COL6A6: variants seen among roughly 807,000 people sequenced by gnomAD.
COL6A6 encodes the protein collagen alpha-6(VI) chain.
Under a neutral mutation model 208.6 loss-of-function variants are expected in COL6A6, and 183 were observed. That is an observed-to-expected ratio of 0.88 (90% CI 0.78 to 0.99). COL6A6 has a LOEUF of 0.99. Among genes scored for constraint, COL6A6 ranks in the 50% least tolerant of loss-of-function variants. COL6A6 has a pLI of 0.00. For synonymous variants in COL6A6, 973 were observed against 1,011.8 expected (o/e 0.96, Z 0.73); for missense variants, 2,816 against 2,815.2 (o/e 1.00, Z -0.01).
rs1235082577 is a variant in COL6A6 at position 130,592,531 on chromosome 3, C to T, written c.4273-10C>T. 6.3e-7 allele frequency: 1 copy of T among 1,579,714 alleles called. No homozygotes were observed. Reference sequence around the variant, plus strand: ...AGAAAAAGCTCATTTGGATATGTGCCCTTTCTCAGGGAGAAAGAGGAGCCC... The same window carrying T: ...AGAAAAAGCTCATTTGGATATGTGCTCTTTCTCAGGGAGAAAGAGGAGCCC... On this transcript the variant is annotated splice_polypyrimidine_tract_variant and intron_variant, in intron 13 of 36. Coordinates refer to ENST00000358511, the MANE Select transcript of COL6A6 (RefSeq NM_001102608.3).
intron 20 of COL6A6, among the ~76,000 whole-genome samples, chr3:130,606,237 C>T (rs1289373386): frequency 6.6e-6 from 1 of 152,140 alleles, no homozygotes; most frequent in Non-Finnish European, 1.5e-5. Context: ...GTCATGGTCT[C>T]TTGATTTCCA....
chr3:130,600,712 G>A (rs1238862353), intron 20 of COL6A6, among the ~76,000 whole-genome samples: 1 of 152,146 alleles, frequency 6.6e-6, no homozygotes, highest in Non-Finnish European at 1.5e-5. Context: ...GCCAGTCGGG[G>A]GTTGGTGGGG....
chr3:130,669,635 C>T (rs1355247866), intron 36 of COL6A6, among the ~76,000 whole-genome samples: 1 of 151,792 alleles, frequency 6.6e-6, no homozygotes, highest in Non-Finnish European at 1.5e-5. Context: ...ATGAGCTAAG[C>T]GTTGATCTGA....
intron 2 of COL6A6, among the ~76,000 whole-genome samples, chr3:130,561,539 T>G (rs1380317366): frequency 1.3e-5 from 2 of 152,200 alleles, no homozygotes; most frequent in Non-Finnish European, 2.9e-5. Flanking sequence ...AAGATTGAAG[T>G]TATTCTAATT....
chr3:130,580,975 G>A (rs943825053), intron 8 of COL6A6, among the ~76,000 whole-genome samples: 1 of 151,672 alleles, frequency 6.6e-6, no homozygotes, highest in African/African-American at 2.4e-5. Context: ...CACCAAGCAA[G>A]ATCTCAAAGG....
chr3:130,592,567 G>A lies in COL6A6; in HGVS notation c.4299G>A (p.Val1433=), dbSNP rs1293497721. The change falls in exon 14 of 37, where the codon GTG becomes GTA. Residue 1433 remains valine (V), a synonymous_variant. Coordinates refer to ENST00000358511, the MANE Select transcript of COL6A6 (RefSeq NM_001102608.3). ...IAGERGAPGP[V]GEQGTKGCYG... ...GAGAAAGAGGAGCCCCTGGACCAGT[G>A]GGAGAGCAAGGTACTAAGGGATGCT... is the stretch of plus-strand genomic sequence containing the variant. 6.2e-7 allele frequency: 1 copy of A among 1,610,560 alleles called. No homozygotes were observed. The highest frequency in any genetic ancestry group is 8.5e-7 in the Non-Finnish European group (1 of 1,177,858).
chr3:130,617,775 G>A (rs2064577047), intron 23 of COL6A6, among the ~76,000 whole-genome samples: 1 of 152,104 alleles, frequency 6.6e-6, no homozygotes, highest in Non-Finnish European at 1.5e-5. Context: ...ATAAAAACAA[G>A]TGACAAGGAT....
At chr3:130,624,536 C>T (rs978084003) in intron 24 of COL6A6, among the ~76,000 whole-genome samples, 1 of 152,136 alleles carries the variant, frequency 6.6e-6, no homozygotes, top group Non-Finnish European at 1.5e-5. Context: ...AAGTTTGGAA[C>T]AAAGACAATG....
At chr3:130,553,607 G>A (rs533361351) in intron 1 of COL6A6, among the ~76,000 whole-genome samples, 3 of 150,998 alleles carry the variant, frequency 2.0e-5, no homozygotes, top group Non-Finnish European at 4.4e-5. Flanking sequence ...TCTGAATCTT[G>A]ATGATCTTCA....
chr3:130,549,349 G>T (rs1388559227), intron 1 of COL6A6, among the ~76,000 whole-genome samples: 1 of 152,040 alleles, frequency 6.6e-6, no homozygotes, highest in African/African-American at 2.4e-5. Context: ...ATAGAGATAG[G>T]CTCTCACTAT....
At chr3:130,543,114 C>T (rs1382629617) in intron 1 of COL6A6, among the ~76,000 whole-genome samples, 1 of 152,062 alleles carries the variant, frequency 6.6e-6, no homozygotes, top group Non-Finnish European at 1.5e-5. Context: ...CCATGTTGGC[C>T]AGGATGGTCT....
At chr3:130,538,801 G>A (rs1368428159) in intron 1 of COL6A6, among the ~76,000 whole-genome samples, 3 of 152,032 alleles carry the variant, frequency 2.0e-5, no homozygotes, top group South Asian at 2.1e-4. Context: ...CCTGTGCCTC[G>A]AATTTGTCCC....
intron 8 of COL6A6, 47 bp from the exon 9 acceptor site, chr3:130,581,514 A>C (rs1278599554): frequency 1.5e-6 from 2 of 1,364,234 alleles, no homozygotes; most frequent in Non-Finnish European, 2.0e-6. Flanking sequence ...GAGTTAAATA[A>C]AGGCGTTTGT....
chr3:130,600,534 C>T (rs955869241), intron 20 of COL6A6, among the ~76,000 whole-genome samples: 2 of 152,096 alleles, frequency 1.3e-5, no homozygotes, highest in Non-Finnish European at 2.9e-5. Context: ...ACTATGCAGC[C>T]ATAAAAAGGC....
rs1182265813 is a variant in COL6A6, at chr3:130,634,210, AAAAT to A, written c.4993-348_4993-345del. ...CTCAAGCTATAAAATGTTAAAAAAA[AAAAT>A]AAATAAATAAATAAATAAATAAATA... On this transcript the variant is annotated intron_variant, in intron 26 of 36. Transcript: ENST00000358511. Among the ~76,000 whole-genome samples the A allele has an allele frequency of 4.1e-3, 204 of 50,256 alleles. 7 individuals are homozygous for A. The highest frequency in any genetic ancestry group is 0.02 in the East Asian group (38 of 1,948). 33.0% of individuals were successfully genotyped at this position (50,256 alleles called of 152,430 possible).
In COL6A6 at chr3:130,649,470, A is replaced by G; in HGVS notation, c.5641A>G (p.Ile1881Val). ...SSGQSADAHS[I>V]TTAAMEFGAL... ...CGGTCAGTCCGCGGATGCCCACTCC[A>G]TCACCACGGCTGCCATGGAGTTCGG... Residue 1881 changes from isoleucine (I) to valine (V), a missense_variant, in exon 33 of 37, where the codon ATC becomes GTC. Ile to Val is a conservative substitution (Grantham distance 29). Transcript: ENST00000358511. The G allele has an allele frequency of 1.2e-6, 2 of 1,611,560 alleles. No individual in the cohort carries two copies. Among genetic ancestry groups the G allele is most frequent in the Non-Finnish European group, 1.7e-6 (2 of 1,178,924 alleles).
intron 33 of COL6A6, among the ~76,000 whole-genome samples, chr3:130,658,370 G>A (rs569935599): frequency 6.6e-6 from 1 of 152,296 alleles, no homozygotes; most frequent in African/African-American, 2.4e-5. Context: ...CACCCACACT[G>A]TACTGTCTGT....
At chr3:130,624,708 G>C (rs2064833242) in intron 24 of COL6A6, among the ~76,000 whole-genome samples, 1 of 152,142 alleles carries the variant, frequency 6.6e-6, no homozygotes, top group African/African-American at 2.4e-5. Context: ...TGCCTTAGAA[G>C]ATCATTATTA....
chr3:130,603,321 A>G (rs1244922405), intron 20 of COL6A6, among the ~76,000 whole-genome samples: 1 of 152,190 alleles, frequency 6.6e-6, no homozygotes, highest in Admixed American at 6.5e-5. Context: ...AACAATGAAA[A>G]ATGTCTCCAG....
Sources: allele counts gnomAD v4.1 joint callset (sites outside exome capture counted in the v4.1 genomes callset), GRCh38; gene constraint gnomAD v4.1.1; transcripts MANE v1.5; gene names NCBI Gene and HGNC (gene_info 2026-07-23, HGNC 2026-07-21).